The following KLHL29 variants were observed in gnomAD, a reference collection of about 807,000 sequenced individuals.
KLHL29 encodes kelch like family member 29.
A neutral mutation model predicts 80.4 loss-of-function variants in KLHL29; 21 were observed. That is an observed-to-expected ratio of 0.26 (90% confidence interval 0.19 to 0.38). The LOEUF (loss-of-function observed/expected upper bound fraction) is 0.38, where lower values mean the gene tolerates loss of function less well. Among genes scored for constraint, KLHL29 ranks in the 10% least tolerant of loss-of-function variants. The pLI is 1.00. For missense variants in KLHL29, 867 were observed against 1,223.9 expected (o/e 0.71, Z 4.35); for synonymous variants, 511 against 526.8 (o/e 0.97, Z 0.41).
At chr2:23,668,401 G>A (rs1291064761) in intron 5 of KLHL29, 1 of 152,218 alleles carries the variant, frequency 6.6e-6, no homozygotes, top group Non-Finnish European at 1.5e-5. Context: ...TCGGAGTGGG[G>A]AGCAAGTCCA....
intron 1 of KLHL29, among the ~76,000 whole-genome samples, chr2:23,400,957 A>G (rs183866465): frequency 5.1e-4 from 78 of 152,370 alleles, no homozygotes; most frequent in African/African-American, 1.8e-3. Flanking sequence ...TAGCTACCTC[A>G]TATGATAGCA....
At chr2:23,517,282 C>T (rs1350793074) in intron 2 of KLHL29, among the ~76,000 whole-genome samples, 5 of 152,216 alleles carry the variant, frequency 3.3e-5, no homozygotes, top group African/African-American at 1.2e-4. Context: ...CGGTGGCTCA[C>T]GCCTGTAATC....
chr2:23,664,405 C>T (rs1332413137), intron 5 of KLHL29, among the ~76,000 whole-genome samples: 7 of 152,050 alleles, frequency 4.6e-5, no homozygotes, highest in South Asian at 4.1e-4. Flanking sequence ...CTGGCTGGGG[C>T]TTTGGGTTCT....
At chr2:23,400,954 C>A (rs956350620) in intron 1 of KLHL29, among the ~76,000 whole-genome samples, 7 of 152,242 alleles carry the variant, frequency 4.6e-5, no homozygotes, top group African/African-American at 1.7e-4. Context: ...GCGTAGCTAC[C>A]TCATATGATA....
chr2:23,706,492 T>A lies in KLHL29; in HGVS notation c.2456T>A (p.Leu819His), dbSNP rs1284842670. The A allele has an allele frequency of 6.5e-7, 1 of 1,530,022 alleles. No individual in the cohort carries two copies. Among genetic ancestry groups the A allele is most frequent in the Non-Finnish European group, 8.7e-7 (1 of 1,143,322 alleles). The allele number at this position is 1,530,022 out of a possible 1,614,324, so 94.8% of individuals were successfully genotyped here. A position where few individuals can be genotyped will look rare whatever the true frequency, so the allele number is the denominator to read the frequency against. The change falls in exon 14 of 14, where the codon CTT becomes CAT. Residue 819 changes from leucine to histidine, a missense_variant. This residue lies in a region of KLHL29 where 443 missense variants were observed against 767.0 expected (regional missense o/e 0.58). Transcript: ENST00000486442. ...CTTTCCCCCAACAGTGCTGTGGTGC[T>A]TGATGGCAAGATTTATGCAACTGGA... ...HSRQFCSAVV[L>H]DGKIYATGGI...
chr2:23,543,205 G>A (rs1666892398), intron 2 of KLHL29, among the ~76,000 whole-genome samples: 1 of 152,150 alleles, frequency 6.6e-6, no homozygotes, highest in Non-Finnish European at 1.5e-5. Context: ...AGAGGGACCC[G>A]AGTCACTCGC....
chr2:23,548,300 C>T (rs1348064188), intron 2 of KLHL29, among the ~76,000 whole-genome samples: 1 of 151,660 alleles, frequency 6.6e-6, no homozygotes, highest in Non-Finnish European at 1.5e-5. Context: ...CAAACACACA[C>T]AGGCACACAC....
At chr2:23,557,732 G>C (rs974168625) in intron 2 of KLHL29, among the ~76,000 whole-genome samples, 1 of 152,108 alleles carries the variant, frequency 6.6e-6, no homozygotes, top group Non-Finnish European at 1.5e-5. Context: ...CGGGTTGCTG[G>C]CCGCCCTCAG....
Position 23,506,012 on chromosome 2 carries a change from G to A in KLHL29, c.-46+30345G>A, listed in dbSNP as rs536052005. Among the ~76,000 whole-genome samples, 6 of 152,282 alleles carry A rather than the reference G, an allele frequency of 3.9e-5. No homozygotes were observed. The South Asian group carries it at 1.0e-3, about 26-fold the overall frequency. On this transcript the variant is annotated intron_variant, in intron 2 of 13. Transcript: ENST00000486442. ...CCCCCGATCATGCAGCCCAGAGCCC[G>A]ACCACGAGGACCATGCTGGGGCCTG...
At chr2:23,627,331 C>T (rs1669340881) in intron 3 of KLHL29, among the ~76,000 whole-genome samples, 1 of 152,254 alleles carries the variant, frequency 6.6e-6, no homozygotes, top group Non-Finnish European at 1.5e-5. Flanking sequence ...TCCTGCCTGG[C>T]CACACGTGGC....
At chr2:23,633,117 C>T (rs1669512772) in intron 3 of KLHL29, among the ~76,000 whole-genome samples, 1 of 152,180 alleles carries the variant, frequency 6.6e-6, no homozygotes, top group Non-Finnish European at 1.5e-5. Flanking sequence ...CCCAAATGGG[C>T]TGGGTGTTGT....
At chr2:23,409,889 G>A (rs1184620655) in intron 1 of KLHL29, among the ~76,000 whole-genome samples, 1 of 152,200 alleles carries the variant, frequency 6.6e-6, no homozygotes, top group Non-Finnish European at 1.5e-5. Context: ...ACTGATCTGA[G>A]ATTTAAAGAA....
intron 1 of KLHL29, among the ~76,000 whole-genome samples, chr2:23,392,709 A>G (rs1255297566): frequency 6.6e-6 from 1 of 152,228 alleles, no homozygotes; most frequent in African/African-American, 2.4e-5. Flanking sequence ...TCCCTCAGCT[A>G]CCAGTCTGTC....
At chr2:23,491,785 C>T (rs1003162939) in intron 2 of KLHL29, among the ~76,000 whole-genome samples, 1 of 152,174 alleles carries the variant, frequency 6.6e-6, no homozygotes, top group African/African-American at 2.4e-5. Flanking sequence ...CGTGCGACCT[C>T]GCTGAACTCC....
chr2:23,539,941 C>G (rs80241514), intron 2 of KLHL29, among the ~76,000 whole-genome samples: 1,801 of 152,282 alleles, frequency 0.012, 37 homozygotes, highest in African/African-American at 0.041. Context: ...TTCGTCCCAT[C>G]GTTCCACCTC....
intron 2 of KLHL29, among the ~76,000 whole-genome samples, chr2:23,495,818 C>T (rs575157251): frequency 4.6e-4 from 70 of 152,368 alleles, no homozygotes; most frequent in African/African-American, 1.6e-3. Context: ...GTAGCACGCG[C>T]ATGTGTTTGA....
chr2:23,460,977 G>A (rs1664192715), intron 1 of KLHL29, among the ~76,000 whole-genome samples: 1 of 152,304 alleles, frequency 6.6e-6, no homozygotes, highest in East Asian at 1.9e-4. Flanking sequence ...CAAGTATCTT[G>A]GATTTTGTGT....
At chr2:23,698,727 T>C (rs1468566679) in intron 11 of KLHL29, among the ~76,000 whole-genome samples, 1 of 152,178 alleles carries the variant, frequency 6.6e-6, no homozygotes, top group Non-Finnish European at 1.5e-5. Flanking sequence ...ACTGGATAAA[T>C]GATAGCAGAA....
At chr2:23,564,277 C>T (rs1423845216) in intron 3 of KLHL29, among the ~76,000 whole-genome samples, 2 of 152,196 alleles carry the variant, frequency 1.3e-5, no homozygotes, top group African/African-American at 4.8e-5. Context: ...TGATATTCAC[C>T]ATCCTTGACT....
Sources: allele counts gnomAD v4.1 joint callset (sites outside exome capture counted in the v4.1 genomes callset), GRCh38; gene constraint gnomAD v4.1.1; regional missense constraint gnomAD v4.1.1; transcripts MANE v1.5; gene names NCBI Gene and HGNC (gene_info 2026-07-23, HGNC 2026-07-21).